The following EPHA5 variants were observed in gnomAD, a reference collection of about 807,000 sequenced individuals.
The protein encoded by EPHA5 is ephrin type-A receptor 5.
Under a neutral mutation model 105.0 loss-of-function variants are expected in EPHA5, and 60 were observed. That is an observed-to-expected ratio of 0.57 (90% CI 0.46 to 0.71). The LOEUF is 0.71. Among genes scored for constraint, EPHA5 ranks in the 30% least tolerant of loss-of-function variants. The pLI is 0.00. For missense variants in EPHA5, 1,218 were observed against 1,274.7 expected, an observed-to-expected ratio of 0.96 and a Z score of 0.68; for synonymous variants, 513 against 449.1, an observed-to-expected ratio of 1.14 and a Z score of -1.80.
intron 4 of EPHA5, among the ~76,000 whole-genome samples, chr4:65,492,288 G>A (rs532621762): frequency 1.9e-3 from 294 of 151,822 alleles, no homozygotes; most frequent in Non-Finnish European, 3.3e-3. Flanking sequence ...TGCCACCTCC[G>A]CCTCCCAGGT....
chr4:65,367,283 G>A (rs1401391684), intron 9 of EPHA5, 74 bp downstream of exon 9: 4 of 1,260,338 alleles, frequency 3.2e-6, no homozygotes, highest in Non-Finnish European at 1.1e-6. Flanking sequence ...AAATCTTGTA[G>A]CCTGAAAAGA....
At chr4:65,563,301 T>A (rs1273165504) in intron 3 of EPHA5, among the ~76,000 whole-genome samples, 2 of 152,054 alleles carry the variant, frequency 1.3e-5, no homozygotes, top group Non-Finnish European at 2.9e-5. Flanking sequence ...ACTTATTAGA[T>A]AATATTTACA....
At chr4:65,595,029 C>T (rs946387270) in intron 3 of EPHA5, among the ~76,000 whole-genome samples, 11 of 151,600 alleles carry the variant, frequency 7.3e-5, no homozygotes, top group Admixed American at 5.9e-4. Flanking sequence ...ATGAGACATA[C>T]ATAAAATTAA....
At chr4:65,333,134 T>A (rs1304555363) in intron 15 of EPHA5, among the ~76,000 whole-genome samples, 2 of 151,590 alleles carry the variant, frequency 1.3e-5, no homozygotes, top group Non-Finnish European at 2.9e-5. Flanking sequence ...AAGGGAATAA[T>A]CAGAAAAAAA....
intron 5 of EPHA5, among the ~76,000 whole-genome samples, chr4:65,444,868 C>T (rs573682094): frequency 6.6e-6 from 1 of 151,970 alleles, no homozygotes; most frequent in Non-Finnish European, 1.5e-5. Flanking sequence ...TATCCCTAGT[C>T]TTTTCCTCAT....
At chr4:65,594,492 A>T (rs1396468327) in intron 3 of EPHA5, among the ~76,000 whole-genome samples, 1 of 152,230 alleles carries the variant, frequency 6.6e-6, no homozygotes, top group Non-Finnish European at 1.5e-5. Flanking sequence ...TACTGTAAAG[A>T]TGAGGTATAG....
intron 14 of EPHA5, among the ~76,000 whole-genome samples, chr4:65,346,712 A>G (rs1166616606): frequency 6.6e-6 from 1 of 152,130 alleles, no homozygotes; most frequent in East Asian, 1.9e-4. Flanking sequence ...GTGGGAGAAA[A>G]TTTTTGCAAT....
chr4:65,539,732 A>G lies in EPHA5; in HGVS notation c.911-44189T>C, dbSNP rs149091265. On this transcript the variant is annotated intron_variant, in intron 3 of 16. Coordinates refer to ENST00000613740, the MANE Select transcript of EPHA5 (RefSeq NM_001281766.3). ...AGCATACTGTTTTGAAAACCTGGAT[A>G]ATTCAGATAATACTGCATTATTTGT... 6.0e-3 allele frequency among the ~76,000 whole-genome samples: 917 copies of G among 151,732 alleles called. 5 individuals are homozygous for G. Among genetic ancestry groups the G allele is most frequent in the Non-Finnish European group, 9.5e-3 (643 of 67,688 alleles).
chr4:65,452,292 C>A (rs541070584), intron 5 of EPHA5, among the ~76,000 whole-genome samples: 6 of 152,010 alleles, frequency 3.9e-5, no homozygotes, highest in Middle Eastern at 3.4e-3. Flanking sequence ...TTTTTAAATG[C>A]AAATAGATTA....
chr4:65,354,168 C>T (rs937079396), intron 11 of EPHA5, among the ~76,000 whole-genome samples: 1 of 151,750 alleles, frequency 6.6e-6, no homozygotes, highest in Non-Finnish European at 1.5e-5. Context: ...ATCCAAGGCA[C>T]TTAAAATAGT....
At chr4:65,399,552 G>A (rs1397596777) in intron 8 of EPHA5, among the ~76,000 whole-genome samples, 1 of 152,176 alleles carries the variant, frequency 6.6e-6, no homozygotes, top group African/African-American at 2.4e-5. Flanking sequence ...ATAAGGCCAA[G>A]CAGCATAACA....
chr4:65,545,242 A>G (rs1206571001), intron 3 of EPHA5, among the ~76,000 whole-genome samples: 1 of 151,822 alleles, frequency 6.6e-6, no homozygotes, highest in Non-Finnish European at 1.5e-5. Context: ...TCTTCCCTTC[A>G]CTTAACTTGT....
At chr4:65,668,497 C>T (rs751977283) in intron 1 of EPHA5, among the ~76,000 whole-genome samples, 11 of 152,178 alleles carry the variant, frequency 7.2e-5, no homozygotes, top group Non-Finnish European at 1.6e-4. Flanking sequence ...TCCCGCCCCT[C>T]CGCGAGTAAT....
intron 5 of EPHA5, among the ~76,000 whole-genome samples, chr4:65,461,347 A>T (rs1013704922): frequency 5.9e-5 from 9 of 151,982 alleles, no homozygotes; most frequent in Non-Finnish European, 8.8e-5. Context: ...ATTCACATGT[A>T]TTAAAAGGAT....
intron 3 of EPHA5, among the ~76,000 whole-genome samples, chr4:65,526,800 C>A (rs1735277038): frequency 6.6e-6 from 1 of 151,950 alleles, no homozygotes; most frequent in Non-Finnish European, 1.5e-5. Flanking sequence ...CTCACGTCTA[C>A]CTTCTTAGAA....
intron 3 of EPHA5, among the ~76,000 whole-genome samples, chr4:65,559,421 C>T (rs1018454176): frequency 6.6e-6 from 1 of 152,138 alleles, no homozygotes; most frequent in African/African-American, 2.4e-5. Context: ...GGACGCTCCC[C>T]ATTCCCATCT....
chr4:65,496,680 C>T (rs1291566723), intron 3 of EPHA5, among the ~76,000 whole-genome samples: 4 of 151,896 alleles, frequency 2.6e-5, no homozygotes, highest in Admixed American at 1.3e-4. Context: ...AATAATGCCG[C>T]AATAAACATA....
Position 65,467,382 on chromosome 4 carries a change from C to T in EPHA5, c.1402+22995G>A, listed in dbSNP as rs12511807. On this transcript the variant is annotated intron_variant, in intron 5 of 16. Transcript: ENST00000613740. ...GCCATTTGTCATGTGATTTTTGTAG[C>T]TTCTCCCATTAAGGGTGGAATACTT... is the stretch of plus-strand genomic sequence containing the variant. Among the ~76,000 whole-genome samples the T allele has an allele frequency of 6.8e-3, 1,030 of 152,298 alleles. 42 individuals carry two copies. Among genetic ancestry groups the T allele is most frequent in the Admixed American group, 0.06 (919 of 15,290 alleles).
At chr4:65,406,461 C>T (rs2198103) in intron 7 of EPHA5, among the ~76,000 whole-genome samples, 121,668 of 152,050 alleles carry the variant, frequency 0.8, 49,087 homozygotes, top group South Asian at 0.92. Flanking sequence ...TGTTTTACTC[C>T]GTCCCTCTCT....
Sources: gnomAD v4.1 joint callset for allele counts (sites outside exome capture counted in the v4.1 genomes callset) on GRCh38, gnomAD v4.1.1 for gene constraint, MANE v1.5 for transcripts, NCBI Gene and HGNC (gene_info 2026-07-23, HGNC 2026-07-21) for gene names.